Variants in GPT2 observed in about 807,000 individuals in gnomAD.
GPT2 encodes glutamic--pyruvic transaminase 2.
Under a neutral mutation model 56.9 loss-of-function variants are expected in GPT2, and 30 were observed. The ratio of observed to expected loss-of-function variants is 0.53; its 90% CI spans 0.39 to 0.72. The LOEUF (loss-of-function observed/expected upper bound fraction) is 0.72, where lower values mean the gene tolerates loss of function less well. Ranked by LOEUF, GPT2 falls within the 30% of genes least tolerant of loss-of-function variation. The pLI is 0.00. For missense variants in GPT2, 542 were observed against 703.4 expected, an observed-to-expected ratio of 0.77 and a Z score of 2.60; for synonymous variants, 271 against 283.1, an observed-to-expected ratio of 0.96 and a Z score of 0.43.
At chr16:46,885,217 C>A in intron 2 of GPT2, 1 of 1,240,582 alleles carries the variant, frequency 8.1e-7, no homozygotes, top group African/African-American at 1.6e-5. Context: ...TGCTGCCAGG[C>A]ACCGCACGTT....
chr16:46,897,062 TA>T (rs1960697671), intron 2 of GPT2, among the ~76,000 whole-genome samples: 1 of 152,164 alleles, frequency 6.6e-6, no homozygotes, highest in African/African-American at 2.4e-5. Flanking sequence ...ACCCTGTCTC[TA>T]CAAAATAGTA....
At chr16:46,902,798 G>A (rs1054450334) in intron 4 of GPT2, among the ~76,000 whole-genome samples, 1 of 151,978 alleles carries the variant, frequency 6.6e-6, no homozygotes, top group Admixed American at 6.6e-5. Flanking sequence ...GGTAATTTTT[G>A]TATTTTTAGT....
intron 5 of GPT2, 115 bp downstream of exon 5, chr16:46,907,090 C>T (rs1960946474): frequency 1.4e-6 from 2 of 1,393,748 alleles, no homozygotes; most frequent in Non-Finnish European, 2.0e-6. Context: ...CACGGGTGGC[C>T]ACCCTCTGGT....
intron 2 of GPT2, among the ~76,000 whole-genome samples, chr16:46,893,321 C>T (rs547239880): frequency 1.3e-5 from 2 of 152,176 alleles, no homozygotes; most frequent in East Asian, 1.9e-4. Flanking sequence ...TTAGTAGAGA[C>T]GGGGTTTCAC....
intron 2 of GPT2, 38 bp from the exon 3 acceptor site, chr16:46,897,610 G>C (rs1263059217): frequency 6.9e-6 from 11 of 1,596,146 alleles, no homozygotes; most frequent in Non-Finnish European, 8.6e-6. Context: ...GGGTTTAAGA[G>C]TTTCTAAGTA....
chr16:46,898,706 C>T (rs1002221528), intron 3 of GPT2, among the ~76,000 whole-genome samples: 2 of 151,520 alleles, frequency 1.3e-5, no homozygotes, highest in Admixed American at 6.6e-5. Context: ...TGCACCACCA[C>T]GCCTGGCTGA....
At chr16:46,910,025 G>C in intron 6 of GPT2, 98 bp downstream of exon 6, 2 of 1,428,440 alleles carry the variant, frequency 1.4e-6, no homozygotes, top group Non-Finnish European at 1.9e-6. Context: ...GGGTCTCTCT[G>C]CCCCTAGTTT....
At chr16:46,928,793 G>T (rs947755005) in intron 11 of GPT2, 114 bp from the exon 12 acceptor site, 3 of 766,514 alleles carry the variant, frequency 3.9e-6, no homozygotes, top group East Asian at 5.2e-5. Flanking sequence ...TGGAGCTGTC[G>T]AAGCAGACCA....
At chr16:46,899,723 AG>A (rs1960780044) in intron 3 of GPT2, among the ~76,000 whole-genome samples, 1 of 152,206 alleles carries the variant, frequency 6.6e-6, no homozygotes, top group Admixed American at 6.5e-5. Context: ...TGAGCTTTGA[AG>A]GGGAGGGCCA....
chr16:46,894,851 G>A (rs1960655133), intron 2 of GPT2, among the ~76,000 whole-genome samples: 1 of 152,102 alleles, frequency 6.6e-6, no homozygotes, highest in South Asian at 2.1e-4. Flanking sequence ...ATTTTTAGTA[G>A]AGACGGGGTT....
chr16:46,921,530 G>A (rs1370502836), intron 8 of GPT2, among the ~76,000 whole-genome samples: 1 of 152,082 alleles, frequency 6.6e-6, no homozygotes, highest in Non-Finnish European at 1.5e-5. Context: ...GGCTGGGGGT[G>A]GGGGATGCAT....
intron 2 of GPT2, among the ~76,000 whole-genome samples, chr16:46,896,493 T>C (rs1960688535): frequency 6.6e-6 from 1 of 152,144 alleles, no homozygotes; most frequent in South Asian, 2.1e-4. Flanking sequence ...GATTTTTCAT[T>C]CTGCAAAGAA....
intron 5 of GPT2, 128 bp from the exon 6 acceptor site, chr16:46,909,556 T>C: frequency 9.5e-7 from 1 of 1,054,784 alleles, no homozygotes; most frequent in Non-Finnish European, 1.4e-6. Flanking sequence ...ATGAGGAAAC[T>C]GAGACTCGGG....
chr16:46,888,762 A>G (rs1236149146), intron 2 of GPT2, among the ~76,000 whole-genome samples: 1 of 151,804 alleles, frequency 6.6e-6, no homozygotes, highest in Non-Finnish European at 1.5e-5. Flanking sequence ...CCATCCTCCT[A>G]CCTCAGTCTC....
chr16:46,926,095 C>T (rs1255562716), intron 10 of GPT2, among the ~76,000 whole-genome samples: 1 of 141,112 alleles, frequency 7.1e-6, no homozygotes, highest in East Asian at 2.1e-4. Context: ...CACGCCATTG[C>T]ACTCCATCCT....
rs202025868 is a variant in GPT2, at chr16:46,900,679, C to T, written c.334-3C>T. 498 of 1,611,988 alleles carry T rather than the reference C, an allele frequency of 3.1e-4. 2 individuals carry two copies. The African/African-American group carries it at 4.9e-3, about 16-fold the overall frequency. ...GAGCTCAGCCTGTGTCTTGTTCCCCCAGGTGATGGCACTATGCACCTACCC... is the reference window on the plus strand; with the variant it reads ...GAGCTCAGCCTGTGTCTTGTTCCCCTAGGTGATGGCACTATGCACCTACCC... On this transcript the variant is annotated splice_region_variant and splice_polypyrimidine_tract_variant and intron_variant, in intron 3 of 11. Coordinates refer to ENST00000340124, the MANE Select transcript of GPT2 (RefSeq NM_133443.4).
intron 8 of GPT2, among the ~76,000 whole-genome samples, chr16:46,919,664 T>C (rs967725281): frequency 2.0e-5 from 3 of 152,318 alleles, no homozygotes; most frequent in South Asian, 2.1e-4. Context: ...ACTTTGCTGA[T>C]TGTATTTTTC....
chr16:46,903,747 C>G (rs1377477189), intron 4 of GPT2, among the ~76,000 whole-genome samples: 3 of 152,190 alleles, frequency 2.0e-5, no homozygotes, highest in Non-Finnish European at 4.4e-5. Context: ...TGAGTACATA[C>G]CAGGCTGTGT....
chr16:46,900,834 G>T, intron 4 of GPT2, 44 bp downstream of exon 4: 1 of 1,536,510 alleles, frequency 6.5e-7, no homozygotes, highest in Non-Finnish European at 9.0e-7. Flanking sequence ...AAATGAATGA[G>T]TGTTCCCAGG....
Sources: allele counts gnomAD v4.1 joint callset (sites outside exome capture counted in the v4.1 genomes callset), GRCh38; gene constraint gnomAD v4.1.1; transcripts MANE v1.5; gene names NCBI Gene and HGNC (gene_info 2026-07-23, HGNC 2026-07-21).